Variants in CALN1 observed in about 807,000 individuals in gnomAD.
CALN1 encodes calneuron 1.
CALN1 carries 17 observed loss-of-function variants against 30.6 expected under a neutral mutation model. The observed-to-expected ratio is 0.56, with a 90% CI of 0.38 to 0.83. The LOEUF (loss-of-function observed/expected upper bound fraction) is 0.83. Ranked by LOEUF, CALN1 falls within the 40% of genes least tolerant of loss-of-function variation. The pLI is 0.00. For missense variants in CALN1, 291 were observed against 354.9 expected (o/e 0.82, Z 1.45); for synonymous variants, 156 against 131.4 (o/e 1.19, Z -1.28).
intron 3 of CALN1, among the ~76,000 whole-genome samples, chr7:72,210,557 G>C (rs914330530): frequency 6.6e-6 from 1 of 151,970 alleles, no homozygotes; most frequent in Non-Finnish European, 1.5e-5. Context: ...ACAATCATGG[G>C]GGAAGGCGAA....
chr7:72,412,340 C>G (rs535081603), upstream of CALN1: 20 of 152,138 alleles, frequency 1.3e-4, no homozygotes, highest in East Asian at 3.9e-3. Flanking sequence ...GCGAGCTTCC[C>G]CAGCGGGCTC....
chr7:72,249,577 A>G (rs1418344091), intron 3 of CALN1, among the ~76,000 whole-genome samples: 1 of 64,804 alleles, frequency 1.5e-5, no homozygotes, highest in African/African-American at 4.1e-5. Context: ...TGAGGCAGAC[A>G]GATCACTTGA....
At chr7:72,111,019 G>A (rs1239789600) in intron 3 of CALN1, among the ~76,000 whole-genome samples, 1 of 152,168 alleles carries the variant, frequency 6.6e-6, no homozygotes, top group Non-Finnish European at 1.5e-5. Flanking sequence ...GTAATGTTGT[G>A]TGCTTTTCAC....
upstream of CALN1, among the ~76,000 whole-genome samples, chr7:72,449,490 C>G (rs1184333544): frequency 6.6e-6 from 1 of 152,188 alleles, no homozygotes; most frequent in Non-Finnish European, 1.5e-5. Context: ...GCAAACCTCC[C>G]TCTGTGCCCA....
At chr7:71,832,328 A>C (rs1355877991) in intron 5 of CALN1, among the ~76,000 whole-genome samples, 1 of 152,214 alleles carries the variant, frequency 6.6e-6, no homozygotes, top group Non-Finnish European at 1.5e-5. Flanking sequence ...CAGATAGAGA[A>C]GAAAGCCATT....
chr7:71,823,345 AT>A (rs1170515532), intron 5 of CALN1, among the ~76,000 whole-genome samples: 1 of 152,134 alleles, frequency 6.6e-6, no homozygotes. Context: ...AAATTTTTAT[AT>A]TTTTTGTAGA....
At chr7:71,955,208 A>T (rs1467494869) in intron 5 of CALN1, among the ~76,000 whole-genome samples, 6 of 152,140 alleles carry the variant, frequency 3.9e-5, no homozygotes, top group Non-Finnish European at 8.8e-5. Flanking sequence ...TGATAAAACC[A>T]TCAGATCTCG....
intron 6 of CALN1, among the ~76,000 whole-genome samples, chr7:71,805,170 T>G (rs1787533035): frequency 6.6e-6 from 1 of 152,194 alleles, no homozygotes; most frequent in Non-Finnish European, 1.5e-5. Flanking sequence ...ACAAAATGTC[T>G]GTTTCTTTGC....
intron 5 of CALN1, among the ~76,000 whole-genome samples, chr7:71,829,396 G>A (rs1267362116): frequency 1.3e-5 from 2 of 152,194 alleles, no homozygotes; most frequent in African/African-American, 4.8e-5. Context: ...GTCAGCCCAA[G>A]GGAATTGATT....
chr7:72,142,738 C>T (rs1322167505), intron 3 of CALN1, among the ~76,000 whole-genome samples: 1 of 152,204 alleles, frequency 6.6e-6, no homozygotes, highest in South Asian at 2.1e-4. Context: ...TAGGGGCAGA[C>T]TGACACCTCA....
chr7:72,349,417 A>G (rs1802811955), intron 2 of CALN1, among the ~76,000 whole-genome samples: 1 of 152,124 alleles, frequency 6.6e-6, no homozygotes, highest in Non-Finnish European at 1.5e-5. Context: ...ACATGACAGA[A>G]TTTACTGCAA....
chr7:72,188,800 T>C (rs767708388), intron 3 of CALN1, among the ~76,000 whole-genome samples: 1 of 152,184 alleles, frequency 6.6e-6, no homozygotes, highest in African/African-American at 2.4e-5. Flanking sequence ...GTAGCTAATA[T>C]AGTCTGAAAG....
the CALN1 span, among the ~76,000 whole-genome samples, chr7:72,497,173 C>T: frequency 6.6e-6 from 1 of 152,220 alleles, no homozygotes; most frequent in Admixed American, 6.5e-5. Flanking sequence ...GGCACAGTGG[C>T]TCATGCCTGT....
chr7:72,235,813 C>T (rs1330495763), intron 3 of CALN1, among the ~76,000 whole-genome samples: 2 of 152,054 alleles, frequency 1.3e-5, no homozygotes, highest in African/African-American at 4.8e-5. Flanking sequence ...ACCACTGTCC[C>T]TTTGGTTCTT....
At chr7:71,830,332 C>T (rs941691033) in intron 5 of CALN1, among the ~76,000 whole-genome samples, 1 of 151,090 alleles carries the variant, frequency 6.6e-6, no homozygotes, top group African/African-American at 2.4e-5. Context: ...CATGAGCCAC[C>T]GTGTCCGGCC....
intron 4 of CALN1, among the ~76,000 whole-genome samples, chr7:72,032,289 G>A (rs558603981): frequency 3.9e-4 from 60 of 151,908 alleles, no homozygotes; most frequent in Non-Finnish European, 7.4e-4. Context: ...CTCGTGATCC[G>A]CCCGCCTTGG....
rs116972980 is a variant in CALN1, at chr7:72,210,799, C to G, written c.244+67887G>C. Among the ~76,000 whole-genome samples, 140 of 152,062 alleles carry G rather than the reference C, an allele frequency of 9.2e-4. 2 individuals are homozygous for G. The East Asian group carries it at 0.025, about 27-fold the overall frequency. On this transcript the variant is annotated intron_variant, in intron 3 of 6. Coordinates refer to ENST00000395275, the MANE Select transcript of CALN1 (RefSeq NM_031468.4). ...ATGAGATTTGGGATAGGGACAGAGC[C>G]AAACCATATCAGATGCTGAGGTGGG...
At chr7:72,173,924 T>C (rs951479040) in intron 3 of CALN1, among the ~76,000 whole-genome samples, 1 of 152,002 alleles carries the variant, frequency 6.6e-6, no homozygotes, top group Non-Finnish European at 1.5e-5. Flanking sequence ...TAACACAAAA[T>C]ACTGATACAT....
At chr7:72,487,854 GAGAAAGAA>G in the CALN1 span, among the ~76,000 whole-genome samples, 137 of 69,536 alleles carry the variant, frequency 2.0e-3, 1 homozygote, top group Non-Finnish European at 1.9e-3. Context: ...GAAAAAGAAA[GAGAAAGAA>G]AGAAAGAAAG....
Sources: allele counts gnomAD v4.1 joint callset (sites outside exome capture counted in the v4.1 genomes callset), GRCh38; gene constraint gnomAD v4.1.1; transcripts MANE v1.5; gene names NCBI Gene and HGNC (gene_info 2026-07-23, HGNC 2026-07-21).